Variants in ATP6V1A observed in about 807,000 individuals in gnomAD.
ATP6V1A encodes ATPase H+ transporting V1 subunit A, also known as V-type proton ATPase catalytic subunit A.
ATP6V1A carries 18 observed loss-of-function variants against 70.1 expected under a neutral mutation model. The observed-to-expected ratio is 0.26, with a 90% CI of 0.18 to 0.38. ATP6V1A has a LOEUF of 0.38. Among genes scored for constraint, ATP6V1A ranks in the 10% least tolerant of loss-of-function variants. The pLI is 1.00. For missense variants in ATP6V1A, 424 were observed against 772.4 expected (o/e 0.55, Z 5.35); for synonymous variants, 232 against 253.8 (o/e 0.91, Z 0.82).
At chr3:113,781,332 C>A (rs1394285822) in intron 3 of ATP6V1A, among the ~76,000 whole-genome samples, 154 bp downstream of exon 3, 1 of 152,136 alleles carries the variant, frequency 6.6e-6, no homozygotes, top group African/African-American at 2.4e-5. Context: ...GCCTGGCCAA[C>A]ATGGTGAAAC....
At chr3:113,796,023 C>A (rs1459136344) in intron 11 of ATP6V1A, 84 bp downstream of exon 11, 1 of 1,189,614 alleles carries the variant, frequency 8.4e-7, no homozygotes, top group South Asian at 1.4e-5. Context: ...CTAATGTAAT[C>A]GTTGTGAAGT....
chr3:113,771,059 C>T (rs1362063450), intron 1 of ATP6V1A, among the ~76,000 whole-genome samples: 2 of 150,726 alleles, frequency 1.3e-5, no homozygotes, highest in African/African-American at 4.9e-5. Flanking sequence ...CATGCCACTG[C>T]ACTCCAGCCT....
At chr3:113,805,581 T>C in intron 14 of ATP6V1A, 56 bp downstream of exon 14, 1 of 1,519,370 alleles carries the variant, frequency 6.6e-7, no homozygotes, top group South Asian at 1.2e-5. Flanking sequence ...TTTTTTTCTT[T>C]TTTTTTTAGA....
chr3:113,800,825 C>T (rs1460011420), intron 12 of ATP6V1A, among the ~76,000 whole-genome samples: 4 of 152,038 alleles, frequency 2.6e-5, no homozygotes, highest in African/African-American at 9.7e-5. Flanking sequence ...AGGTAACAGA[C>T]CAGTGACATT....
Position 113,811,365 on chromosome 3 carries a change from A to G in ATP6V1A, c.*1938A>G, listed in dbSNP as rs186664057. 4 of 152,766 alleles carry G rather than the reference A, an allele frequency of 2.6e-5. No homozygotes were observed. The East Asian group carries it at 5.8e-4, about 22-fold the overall frequency. The allele number at this position is 152,766 out of a possible 1,614,324, so 9.5% of individuals were successfully genotyped here. A position where few individuals can be genotyped will look rare whatever the true frequency, so the allele number is the denominator to read the frequency against. ...TGCTATTGAGGAAAGGTATTCTTCT[A>G]TACAACTTGTTTTAACCTTTGAGAA... On this transcript the variant is annotated 3_prime_UTR_variant, in exon 15 of 15. Transcript: ENST00000273398.
chr3:113,762,920 TAC>T (rs1247888590), intron 1 of ATP6V1A, among the ~76,000 whole-genome samples: 1 of 152,056 alleles, frequency 6.6e-6, no homozygotes, highest in Non-Finnish European at 1.5e-5. Flanking sequence ...TTCTCAGAAA[TAC>T]AGTTTTTGAG....
Position 113,803,640 on chromosome 3 carries a change from G to C in ATP6V1A, c.1552G>C (p.Asp518His). 6.2e-7 allele frequency: 1 copy of C among 1,611,614 alleles called. No homozygotes were observed. Among genetic ancestry groups the C allele is most frequent in the Non-Finnish European group, 8.5e-7 (1 of 1,178,136 alleles). Residue 518 changes from aspartate to histidine, a missense_variant, in exon 13 of 15, where the codon GAT (aspartate) becomes CAT (histidine). Coordinates refer to ENST00000273398, the MANE Select transcript of ATP6V1A (RefSeq NM_001690.4). The stretch of plus-strand genomic sequence containing the variant: ...GGAGGTAGCAAAACTTATCAAAGAT[G>C]ATTTCCTACAACAAAATGGATATAC... ...TLEVAKLIKD[D>H]FLQQNGYTPY... is the part of the protein sequence containing the mutation.
At chr3:113,778,715 CTTATT>C (rs1708945132) in intron 1 of ATP6V1A, 21 bp from the exon 2 acceptor site, 2 of 1,363,916 alleles carry the variant, frequency 1.5e-6, no homozygotes, top group Non-Finnish European at 2.0e-6. Flanking sequence ...ATAATTATAA[CTTATT>C]TATTTATTTA....
chr3:113,770,644 A>T (rs1577084703), intron 1 of ATP6V1A, among the ~76,000 whole-genome samples: 3 of 152,034 alleles, frequency 2.0e-5, no homozygotes. Context: ...GTGCCACCGC[A>T]CTCCAGCCTG....
chr3:113,756,857 A>G (rs77265745), intron 1 of ATP6V1A, among the ~76,000 whole-genome samples: 12 of 152,334 alleles, frequency 7.9e-5, no homozygotes, highest in Non-Finnish European at 1.6e-4. Context: ...TTGAACATTA[A>G]GAGTGTGGTA....
At chr3:113,764,139 C>T (rs1022378944) in intron 1 of ATP6V1A, among the ~76,000 whole-genome samples, 2 of 151,870 alleles carry the variant, frequency 1.3e-5, no homozygotes, top group African/African-American at 2.4e-5. Flanking sequence ...GAGGCTAAGG[C>T]AGGAGATTGC....
chr3:113,779,024 T>C lies in ATP6V1A; in HGVS notation c.82+189T>C, dbSNP rs539657744. On this transcript the variant is annotated intron_variant, in intron 2 of 14. Coordinates refer to ENST00000273398, the MANE Select transcript of ATP6V1A (RefSeq NM_001690.4). ...ATAAGGGCTCATCTAGCATTGATTA[T>C]CTAAATTTTATAATTATTGAGGTAC... 3 of 385,728 alleles carry C rather than the reference T, an allele frequency of 7.8e-6. No homozygotes were observed. The East Asian group carries it at 1.2e-4, about 16-fold the overall frequency. The allele number at this position is 385,728 out of a possible 1,614,324, so 23.9% of individuals were successfully genotyped here.
intron 7 of ATP6V1A, among the ~76,000 whole-genome samples, 180 bp from the exon 8 acceptor site, chr3:113,789,549 ATCT>A (rs1418214078): frequency 1.3e-5 from 2 of 152,114 alleles, no homozygotes; most frequent in Non-Finnish European, 2.9e-5. Context: ...AATAATGTCT[ATCT>A]TCTTCATAGC....
At chr3:113,785,180 G>A (rs574689996) in intron 5 of ATP6V1A, among the ~76,000 whole-genome samples, 2 of 152,292 alleles carry the variant, frequency 1.3e-5, no homozygotes, top group East Asian at 3.9e-4. Context: ...GTAGGCTCAC[G>A]CCTGTAATCC....
At chr3:113,807,960 G>A (rs1487626403) in intron 14 of ATP6V1A, among the ~76,000 whole-genome samples, 5 of 151,918 alleles carry the variant, frequency 3.3e-5, no homozygotes, top group South Asian at 2.1e-4. Context: ...GAGAAACCCC[G>A]TCTCTACTAA....
At position 113,782,932 on chromosome 3, in the gene ATP6V1A, A is replaced by C. The variant is rs146633474; in HGVS notation, c.212-1292A>C. Among the ~76,000 whole-genome samples, 1,329 of 152,144 alleles carry C rather than the reference A, an allele frequency of 8.7e-3. 44 individuals are homozygous for C. Among genetic ancestry groups the C allele is most frequent in the East Asian group, 0.079 (409 of 5,172 alleles). ...ATACACCTTGCTTTTTTTCACTTAA[A>C]AGTATGTGTATTCTAGAAGATAAAT... On this transcript the variant is annotated intron_variant, in intron 3 of 14. Transcript: ENST00000273398.
rs2108029681 is a variant in ATP6V1A at position 113,784,387 on chromosome 3, T to G, written c.375T>G (p.Ser125=). ...ACATCCCCAGAGGAGTAAACGTGTC[T>G]GCTCTTAGCAGAGATATCAAATGGG... ...SIYIPRGVNV[S]ALSRDIKWDF... is the part of the protein sequence containing the mutation. Residue 125 remains serine (S), a synonymous_variant, in exon 4 of 15, where the codon TCT becomes TCG. Transcript: ENST00000273398. 1.9e-6 allele frequency: 3 copies of G among 1,614,192 alleles called. No individual in the cohort carries two copies. The highest frequency in any genetic ancestry group is 2.5e-6 in the Non-Finnish European group (3 of 1,180,024).
chr3:113,778,725 T>C lies in ATP6V1A; in HGVS notation c.-13-16T>C. The C allele has an allele frequency of 1.4e-6, 2 of 1,426,168 alleles. No individual in the cohort carries two copies. Among genetic ancestry groups the C allele is most frequent in the Admixed American group, 4.4e-5 (2 of 45,450 alleles). The allele number at this position is 1,426,168 out of a possible 1,614,324, so 88.3% of individuals were successfully genotyped here. ...GGTTTATAATTATAACTTATTTATT[T>C]ATTTATTTACTATAGGTAAACTAAC... On this transcript the variant is annotated splice_polypyrimidine_tract_variant and intron_variant, in intron 1 of 14. Transcript: ENST00000273398.
rs919637170 is a variant in ATP6V1A at position 113,798,517 on chromosome 3, T to G, written c.1494+71T>G. 53 of 1,387,494 alleles carry G rather than the reference T, an allele frequency of 3.8e-5. No homozygotes were observed. In the East Asian group the frequency reaches 1.2e-3, roughly 32 times the overall value. 85.9% of individuals were successfully genotyped at this position (1,387,494 alleles called of 1,614,324 possible). ...GGGTGTTTCAAGGACAGATAGAGCC[T>G]TGGATATTACAGATTCTTGCCTAGC... On this transcript the variant is annotated intron_variant, in intron 12 of 14. Transcript: ENST00000273398.
Sources: gnomAD v4.1 joint callset for allele counts (sites outside exome capture counted in the v4.1 genomes callset) on GRCh38, gnomAD v4.1.1 for gene constraint, MANE v1.5 for transcripts, NCBI Gene and HGNC (gene_info 2026-07-23, HGNC 2026-07-21) for gene names.